The following MEGF6 variants were observed in gnomAD, a reference collection of about 807,000 sequenced individuals.
MEGF6 encodes multiple epidermal growth factor-like domains protein 6.
MEGF6 carries 184 observed loss-of-function variants against 207.1 expected under a neutral mutation model. The ratio of observed to expected loss-of-function variants is 0.89; its 90% CI spans 0.79 to 1.00. The LOEUF (loss-of-function observed/expected upper bound fraction) is 1.00, where lower values mean the gene tolerates loss of function less well. Ranked by LOEUF, MEGF6 falls within the 50% of genes least tolerant of loss-of-function variation. The pLI is 0.00. For missense variants in MEGF6, 2,282 were observed against 2,202.9 expected (o/e 1.04, Z -0.72); for synonymous variants, 1,038 against 910.0 (o/e 1.14, Z -2.53).
intron 18 of MEGF6, 124 bp from the exon 19 acceptor site, chr1:3,501,432 T>C (rs1640860191): frequency 2.2e-6 from 3 of 1,388,154 alleles, no homozygotes; most frequent in Admixed American, 2.3e-5. Context: ...CATCTCAGCC[T>C]GCCCCGGGGA....
rs1441808555 is a variant in MEGF6 at position 3,514,535 on chromosome 1, G to A, written c.853+15C>T. 7 of 1,585,688 alleles carry A rather than the reference G, an allele frequency of 4.4e-6. No homozygotes were observed. The highest frequency in any genetic ancestry group is 1.1e-5 in the South Asian group (1 of 87,934). Reference sequence around the variant, plus strand: ...CTGACCCTGGGCGGGGCGGAGCAGGGGAGGGGCGTCCTACCTTCACAGGCC... The same window carrying A: ...CTGACCCTGGGCGGGGCGGAGCAGGAGAGGGGCGTCCTACCTTCACAGGCC... On this transcript the variant is annotated intron_variant, in intron 7 of 36. Coordinates refer to ENST00000356575, the MANE Select transcript of MEGF6 (RefSeq NM_001409.4).
At position 3,489,000 on chromosome 1, in the gene MEGF6, G is replaced by A. The variant is rs1032657919; in HGVS notation, c.*1528C>T. On this transcript the variant is annotated 3_prime_UTR_variant, in exon 37 of 37. Transcript: ENST00000356575. ...ATCTCTGTACGTTGTCTCTCTTTACGCCTCCCTGCTATTCCTGGGAGAATC... is the reference window on the plus strand; with the variant it reads ...ATCTCTGTACGTTGTCTCTCTTTACACCTCCCTGCTATTCCTGGGAGAATC... Among the ~76,000 whole-genome samples the A allele has an allele frequency of 3.3e-5, 5 of 152,066 alleles. No homozygotes were observed. Among genetic ancestry groups the A allele is most frequent in the African/African-American group, 4.8e-5 (2 of 41,452 alleles).
chr1:3,498,139 G>A (rs931745636), intron 26 of MEGF6, among the ~76,000 whole-genome samples: 5 of 152,148 alleles, frequency 3.3e-5, no homozygotes, highest in Non-Finnish European at 2.9e-5. Context: ...GGGCTGGCTG[G>A]GGCTACCCCT....
chr1:3,507,526 T>C (rs1641161037), intron 14 of MEGF6, among the ~76,000 whole-genome samples: 2 of 152,200 alleles, frequency 1.3e-5, no homozygotes, highest in Admixed American at 1.3e-4. Flanking sequence ...CTCTGTAGTC[T>C]TATCGTCTGC....
chr1:3,569,612 G>A (rs189241471), intron 4 of MEGF6, among the ~76,000 whole-genome samples: 3 of 152,252 alleles, frequency 2.0e-5, no homozygotes, highest in African/African-American at 4.8e-5. Flanking sequence ...AGACTGGGGG[G>A]CCACGGGGTC....
upstream of MEGF6, among the ~76,000 whole-genome samples, chr1:3,615,800 C>T (rs953053575): frequency 3.9e-5 from 6 of 152,196 alleles, no homozygotes; most frequent in Admixed American, 3.9e-4. Flanking sequence ...CCCTCTTTAT[C>T]CCACCTGGCC....
chr1:3,514,566 G>C lies in MEGF6; in HGVS notation c.837C>G (p.Asp279Glu). Residue 279 changes from aspartate to glutamate, a missense_variant, in exon 7 of 37, where the codon GAC becomes GAG. Coordinates refer to ENST00000356575, the MANE Select transcript of MEGF6 (RefSeq NM_001409.4). Reference protein sequence around the residue: ...ECHVGYQLAADGKACEDVDEC... With the variant: ...ECHVGYQLAAEGKACEDVDEC... ...GCGTCCTACCTTCACAGGCCTTGCCGTCCGCTGCTAGCTGATAGCCCACGT... is the reference window on the plus strand; with the variant it reads ...GCGTCCTACCTTCACAGGCCTTGCCCTCCGCTGCTAGCTGATAGCCCACGT... The C allele has an allele frequency of 6.3e-7, 1 of 1,590,716 alleles. No individual in the cohort carries two copies. The highest frequency in any genetic ancestry group is 8.5e-7 in the Non-Finnish European group (1 of 1,171,572).
intron 8 of MEGF6, 67 bp from the exon 9 acceptor site, chr1:3,511,754 C>T: frequency 1.3e-6 from 2 of 1,560,014 alleles, no homozygotes; most frequent in Non-Finnish European, 1.7e-6. Flanking sequence ...ACCTTAGTTA[C>T]CCCTACCTCC....
At chr1:3,600,738 C>T (rs1384400597) in intron 2 of MEGF6, among the ~76,000 whole-genome samples, 1 of 152,178 alleles carries the variant, frequency 6.6e-6, no homozygotes, top group Non-Finnish European at 1.5e-5. Flanking sequence ...CCAGAAGCAT[C>T]CCAAAGGGAC....
At position 3,501,323 on chromosome 1, in the gene MEGF6, C is replaced by G; in HGVS notation, c.2315-15G>C. On this transcript the variant is annotated splice_polypyrimidine_tract_variant and intron_variant, in intron 18 of 36. Transcript: ENST00000356575. ...CTCGGGACAATCTAGTGCCCACCCCCATGGCCAGTCAGTGCCCAAGCTGCC... is the reference window on the plus strand; with the variant it reads ...CTCGGGACAATCTAGTGCCCACCCCGATGGCCAGTCAGTGCCCAAGCTGCC... 1 of 1,586,200 alleles carries G rather than the reference C, an allele frequency of 6.3e-7. No homozygotes were observed. Among genetic ancestry groups the G allele is most frequent in the Non-Finnish European group, 8.6e-7 (1 of 1,166,478 alleles).
intron 1 of MEGF6, among the ~76,000 whole-genome samples, chr1:3,606,377 T>C (rs573842909): frequency 1.3e-5 from 2 of 152,258 alleles, no homozygotes; most frequent in Non-Finnish European, 2.9e-5. Context: ...CTCAAGCTTG[T>C]AACCCCAGGC....
At chr1:3,616,542 T>C in the MEGF6 span, among the ~76,000 whole-genome samples, 3 of 152,050 alleles carry the variant, frequency 2.0e-5, no homozygotes, top group African/African-American at 7.3e-5. Context: ...GTGCAGGTGA[T>C]GGCCAGAGAC....
intron 4 of MEGF6, among the ~76,000 whole-genome samples, chr1:3,578,285 G>T (rs1036813809): frequency 6.6e-6 from 1 of 152,354 alleles, no homozygotes; most frequent in Non-Finnish European, 1.5e-5. Context: ...AAGTCAAGCG[G>T]CGCACATTGC....
intron 4 of MEGF6, among the ~76,000 whole-genome samples, chr1:3,554,554 G>A (rs1642980876): frequency 6.6e-6 from 1 of 152,176 alleles, no homozygotes; most frequent in Non-Finnish European, 1.5e-5. Context: ...CACTAACCAG[G>A]TGGCTTAAAC....
rs1437956541 is a variant in MEGF6 at position 3,512,148 on chromosome 1, G to C, written c.854-20C>G. On this transcript the variant is annotated intron_variant, in intron 7 of 36. Coordinates refer to ENST00000356575, the MANE Select transcript of MEGF6 (RefSeq NM_001409.4). ...CCACATCTGGAGGGGAGAGACCACA[G>C]GGAGGGCTCAGAGGTGCCAGGAAGG... 9 of 1,588,778 alleles carry C rather than the reference G, an allele frequency of 5.7e-6. No individual in the cohort carries two copies. In the South Asian group the frequency reaches 1.0e-4, roughly 18 times the overall value.
rs544770636 is a variant in MEGF6, at chr1:3,556,157, G to A, written c.481+23668C>T. Among the ~76,000 whole-genome samples, 8 of 152,224 alleles carry A rather than the reference G, an allele frequency of 5.3e-5. No individual in the cohort carries two copies. Among genetic ancestry groups the A allele is most frequent in the Non-Finnish European group, 1.0e-4 (7 of 68,042 alleles). ...GTGGCCCAGGTGCTAAGTGAACCAC[G>A]TCCCTGTTGCTGGGCCACCCTGTGA... On this transcript the variant is annotated intron_variant, in intron 4 of 36. Coordinates refer to ENST00000356575, the MANE Select transcript of MEGF6 (RefSeq NM_001409.4). This position sits in a 1 kb window ranked among gnomAD's most constrained non-coding sequence, Gnocchi z 4.4.
intron 5 of MEGF6, among the ~76,000 whole-genome samples, chr1:3,521,901 T>C (rs1026553956): frequency 3.9e-5 from 6 of 152,040 alleles, no homozygotes; most frequent in Non-Finnish European, 5.9e-5. Context: ...GGCCTAGAAA[T>C]GGGGCTAGTC....
upstream of MEGF6, among the ~76,000 whole-genome samples, chr1:3,613,475 G>A (rs182932769): frequency 2.6e-4 from 40 of 152,314 alleles, no homozygotes; most frequent in Admixed American, 1.2e-3. Context: ...CAGCAAGTGT[G>A]TGTCAAGTGA....
intron 4 of MEGF6, among the ~76,000 whole-genome samples, chr1:3,577,238 C>T (rs1429322892): frequency 6.6e-6 from 1 of 152,214 alleles, no homozygotes; most frequent in Non-Finnish European, 1.5e-5. Flanking sequence ...CCCAACTGGC[C>T]ACTCTCCCAG....
Sources: gnomAD v4.1 joint callset for allele counts (sites outside exome capture counted in the v4.1 genomes callset) on GRCh38, gnomAD v4.1.1 for gene constraint, Gnocchi (gnomAD v3.1) non-coding constraint, MANE v1.5 for transcripts, NCBI Gene and HGNC (gene_info 2026-07-23, HGNC 2026-07-21) for gene names.